Variants in SEC63 observed in about 807,000 individuals in gnomAD.
SEC63 encodes the protein SEC63 protein translocation regulator, also known as translocation protein SEC63 homolog.
A neutral mutation model predicts 116.2 loss-of-function variants in SEC63; 56 were observed. That is an observed-to-expected ratio of 0.48 (90% CI 0.39 to 0.60). The LOEUF is 0.60. SEC63 is among the 20% of genes least tolerant of loss of function. The pLI, the probability that SEC63 is intolerant of heterozygous loss-of-function variation, is 0.00. For missense variants in SEC63, 668 were observed against 900.0 expected (o/e 0.74, Z 3.30); for synonymous variants, 273 against 294.6 (o/e 0.93, Z 0.75).
intron 16 of SEC63, among the ~76,000 whole-genome samples, chr6:107,892,848 T>C (rs1023543099): frequency 6.6e-6 from 1 of 152,078 alleles, no homozygotes; most frequent in Non-Finnish European, 1.5e-5. Context: ...GGTGAGTACG[T>C]AGAACAAGAC....
intron 2 of SEC63, among the ~76,000 whole-genome samples, chr6:107,927,087 G>A (rs933803930): frequency 6.6e-6 from 1 of 152,056 alleles, no homozygotes; most frequent in Non-Finnish European, 1.5e-5. Context: ...GTGGGGAATG[G>A]AGTCTTACTC....
chr6:107,906,937 A>G (rs1208107920), intron 8 of SEC63, among the ~76,000 whole-genome samples, 160 bp from the exon 9 acceptor site: 2 of 152,216 alleles, frequency 1.3e-5, no homozygotes, highest in African/African-American at 4.8e-5. Flanking sequence ...TCTTCCATAA[A>G]AAAAGTAACA....
intron 1 of SEC63, among the ~76,000 whole-genome samples, chr6:107,937,123 A>ATTT (rs3062082): frequency 0.056 from 7,329 of 129,860 alleles, 858 homozygotes; most frequent in African/African-American, 0.18. Context: ...TATGTACCAC[A>ATTT]TTTTTTTTTT....
rs1486590619 is a variant in SEC63 at position 107,914,764 on chromosome 6, T to C, written c.453-1337A>G. 1.3e-5 allele frequency among the ~76,000 whole-genome samples: 2 copies of C among 152,212 alleles called. 1 individual carries two copies. The highest frequency in any genetic ancestry group is 2.9e-5 in the Non-Finnish European group (2 of 68,016). On this transcript the variant is annotated intron_variant, in intron 4 of 20. Transcript: ENST00000369002. ...TTAGCTTGTTTCTTTCACTATTGTC[T>C]TCTAATTGGATCCTTCTGCCCAAAA...
chr6:107,933,334 T>C (rs757393871), intron 1 of SEC63, among the ~76,000 whole-genome samples: 4 of 152,230 alleles, frequency 2.6e-5, no homozygotes, highest in Admixed American at 1.3e-4. Context: ...TGTGCTGTTT[T>C]AAACCAATGA....
chr6:107,917,830 T>A (rs1787446678), intron 4 of SEC63, among the ~76,000 whole-genome samples: 1 of 152,194 alleles, frequency 6.6e-6, no homozygotes, highest in Non-Finnish European at 1.5e-5. Context: ...AGAAACCATC[T>A]CTACAACAGA....
chr6:107,876,749 C>G, intron 18 of SEC63, 87 bp from the exon 19 acceptor site: 2 of 818,680 alleles, frequency 2.4e-6, no homozygotes, highest in South Asian at 2.9e-5. Context: ...CCTCTCTTAT[C>G]TTAGAGATCC....
intron 4 of SEC63, among the ~76,000 whole-genome samples, chr6:107,917,065 AG>A (rs1787421929): frequency 6.6e-6 from 1 of 152,210 alleles, no homozygotes; most frequent in South Asian, 2.1e-4. Context: ...TACCGGAATG[AG>A]GGCAAGAACA....
At position 107,924,915 on chromosome 6, in the gene SEC63, G is replaced by A. The variant is rs759829268; in HGVS notation, c.242C>T (p.Ala81Val). Residue 81 changes from alanine to valine, a missense_variant, in exon 3 of 21, where the codon GCA becomes GTA. By Grantham distance (64) the Ala-to-Val change is moderately conservative. Transcript: ENST00000369002. Reference protein sequence around the residue: ...IPTVKKIVLLAGWALFLFLAY... With the variant: ...IPTVKKIVLLVGWALFLFLAY... The stretch of plus-strand genomic sequence containing the variant: ...AAGGAATAAGAACAATGCCCATCCT[G>A]CAAGCAGAACTATTTTCCTGTTTAG... The A allele has an allele frequency of 1.3e-6, 2 of 1,587,976 alleles. No individual in the cohort carries two copies. The highest frequency in any genetic ancestry group is 1.1e-5 in the South Asian group (1 of 90,524).
At chr6:107,919,685 G>T (rs779694131) in intron 4 of SEC63, among the ~76,000 whole-genome samples, 8 of 152,012 alleles carry the variant, frequency 5.3e-5, no homozygotes, top group Non-Finnish European at 1.0e-4. Flanking sequence ...AGCCGGGCAT[G>T]TTGGCGGGTG....
chr6:107,925,220 C>T (rs574081712), intron 2 of SEC63, among the ~76,000 whole-genome samples: 50 of 152,084 alleles, frequency 3.3e-4, no homozygotes, highest in African/African-American at 8.9e-4. Context: ...ACTTACTGGA[C>T]GCATTAAATT....
At chr6:107,923,127 T>G (rs746560495) in intron 3 of SEC63, among the ~76,000 whole-genome samples, 19 of 152,344 alleles carry the variant, frequency 1.2e-4, no homozygotes, top group South Asian at 6.2e-4. Context: ...ATTTCAGTTC[T>G]AACATTCTAC....
At chr6:107,884,965 G>A (rs1207591120) in intron 16 of SEC63, among the ~76,000 whole-genome samples, 2 of 151,132 alleles carry the variant, frequency 1.3e-5, no homozygotes, top group African/African-American at 4.8e-5. Context: ...TTCACTATCT[G>A]CTAGTGATAA....
chr6:107,917,655 C>T (rs1787440564), intron 4 of SEC63, among the ~76,000 whole-genome samples: 1 of 152,176 alleles, frequency 6.6e-6, no homozygotes, highest in African/African-American at 2.4e-5. Flanking sequence ...GTGAAACAGC[C>T]TTGTTGCTGA....
chr6:107,953,802 G>A (rs7775553), intron 1 of SEC63, among the ~76,000 whole-genome samples: 1 of 106,940 alleles, frequency 9.4e-6, no homozygotes, highest in South Asian at 2.9e-4. Context: ...GTGGGGGTGT[G>A]AGCCCCCCGC....
chr6:107,893,374 C>T (rs1048224068), intron 16 of SEC63, 108 bp downstream of exon 16: 25 of 1,057,052 alleles, frequency 2.4e-5, no homozygotes, highest in East Asian at 2.5e-5. Context: ...TAGGGTATCA[C>T]GGGTGCATAA....
chr6:107,908,899 AT>A (rs1378993734), intron 8 of SEC63, 27 bp downstream of exon 8: 1 of 1,330,948 alleles, frequency 7.5e-7, no homozygotes, highest in African/African-American at 1.4e-5. Flanking sequence ...AATGTGATTA[AT>A]AGCAAAGTTA....
intron 16 of SEC63, among the ~76,000 whole-genome samples, chr6:107,890,990 C>G (rs919130534): frequency 6.6e-6 from 1 of 152,210 alleles, no homozygotes; most frequent in Non-Finnish European, 1.5e-5. Context: ...TTCTCTCTGG[C>G]TCCCTTTAAC....
chr6:107,911,195 G>C (rs1031828276), intron 7 of SEC63, 151 bp downstream of exon 7: 25 of 665,456 alleles, frequency 3.8e-5, no homozygotes, highest in Non-Finnish European at 6.6e-5. Context: ...AGGCTCAAGC[G>C]ATCCTCCCAC....
Sources: gnomAD v4.1 joint callset for allele counts (sites outside exome capture counted in the v4.1 genomes callset) on GRCh38, gnomAD v4.1.1 for gene constraint, MANE v1.5 for transcripts, NCBI Gene and HGNC (gene_info 2026-07-23, HGNC 2026-07-21) for gene names.